The following RNF180 variants were observed in gnomAD, a reference collection of about 807,000 sequenced individuals.
RNF180 encodes ring finger protein 180, also known as E3 ubiquitin-protein ligase RNF180.
Under a neutral mutation model 59.2 loss-of-function variants are expected in RNF180, and 38 were observed. The ratio of observed to expected loss-of-function variants is 0.64; its 90% CI spans 0.50 to 0.84. RNF180 has a LOEUF of 0.84. Among genes scored for constraint, RNF180 ranks in the 40% least tolerant of loss-of-function variants. RNF180 has a pLI of 0.00. For missense variants in RNF180, 705 were observed against 700.9 expected (o/e 1.01, Z -0.07); for synonymous variants, 262 against 240.3 (o/e 1.09, Z -0.84).
chr5:64,290,940 G>A (rs1367693598), intron 5 of RNF180, among the ~76,000 whole-genome samples: 1 of 151,994 alleles, frequency 6.6e-6, no homozygotes, highest in Admixed American at 6.6e-5. Context: ...CACTAGTTGT[G>A]TACTTCAGTG....
intron 5 of RNF180, among the ~76,000 whole-genome samples, chr5:64,275,726 G>A (rs1452353437): frequency 6.6e-6 from 1 of 151,862 alleles, no homozygotes; most frequent in Non-Finnish European, 1.5e-5. Context: ...CCAGTATGTT[G>A]GCAAGGATGA....
chr5:64,342,243 A>C (rs2112565085), intron 7 of RNF180, among the ~76,000 whole-genome samples: 1 of 152,272 alleles, frequency 6.6e-6, no homozygotes, highest in Middle Eastern at 3.4e-3. Context: ...AGATATATGG[A>C]ATTGAAGACT....
At chr5:64,168,868 T>C (rs1479197214) in intron 1 of RNF180, among the ~76,000 whole-genome samples, 1 of 152,212 alleles carries the variant, frequency 6.6e-6, no homozygotes, top group East Asian at 1.9e-4. Flanking sequence ...TTGGCTTTTA[T>C]TAGCAATTCT....
At chr5:64,185,051 T>C (rs991829661) in intron 1 of RNF180, among the ~76,000 whole-genome samples, 8 of 152,240 alleles carry the variant, frequency 5.3e-5, no homozygotes, top group African/African-American at 1.4e-4. Flanking sequence ...CCTTACCCGT[T>C]GATGGCAGTT....
At chr5:64,265,935 C>T (rs965167454) in intron 5 of RNF180, among the ~76,000 whole-genome samples, 7 of 152,236 alleles carry the variant, frequency 4.6e-5, no homozygotes, top group South Asian at 4.1e-4. Flanking sequence ...AGGTCCTTCA[C>T]GTCCCTTGTA....
chr5:64,221,781 G>T (rs189311309), intron 5 of RNF180, among the ~76,000 whole-genome samples: 11 of 152,104 alleles, frequency 7.2e-5, no homozygotes, highest in South Asian at 4.2e-4. Flanking sequence ...TTTTTAAAGG[G>T]TCTTTTTTAT....
chr5:64,173,754 C>T (rs1012540134), intron 1 of RNF180, among the ~76,000 whole-genome samples: 9 of 147,096 alleles, frequency 6.1e-5, no homozygotes, highest in African/African-American at 2.5e-5. Context: ...CTCATTCTGT[C>T]ACCCAGGCTT....
intron 5 of RNF180, among the ~76,000 whole-genome samples, chr5:64,246,497 A>G (rs1743174263): frequency 6.6e-6 from 1 of 152,232 alleles, no homozygotes; most frequent in Non-Finnish European, 1.5e-5. Context: ...ATGCAAATAA[A>G]CTAGAAAATC....
chr5:64,166,640 G>C (rs974333399), intron 1 of RNF180, among the ~76,000 whole-genome samples: 1 of 152,044 alleles, frequency 6.6e-6, no homozygotes, highest in Non-Finnish European at 1.5e-5. Context: ...CATTATTTTC[G>C]TAGCATCTAA....
intron 5 of RNF180, among the ~76,000 whole-genome samples, chr5:64,247,865 A>G (rs762795692): frequency 1.3e-5 from 2 of 152,212 alleles, no homozygotes; most frequent in Non-Finnish European, 2.9e-5. Context: ...ACCATACTAC[A>G]ATGCTACAGT....
intron 1 of RNF180, among the ~76,000 whole-genome samples, chr5:64,173,574 T>C (rs920185781): frequency 4.6e-5 from 7 of 152,200 alleles, no homozygotes; most frequent in African/African-American, 1.7e-4. Context: ...ACTTATTCCT[T>C]GTACGTAACT....
At chr5:64,291,479 C>CAGT (rs1210317253) in intron 5 of RNF180, among the ~76,000 whole-genome samples, 1 of 128,810 alleles carries the variant, frequency 7.8e-6, no homozygotes, top group East Asian at 2.3e-4. Flanking sequence ...GGCTGGAGTG[C>CAGT]AGTGGTGCGA....
intron 5 of RNF180, among the ~76,000 whole-genome samples, chr5:64,280,145 A>G (rs767620425): frequency 6.6e-6 from 1 of 152,092 alleles, no homozygotes; most frequent in African/African-American, 2.4e-5. Flanking sequence ...GTGTCTGTTC[A>G]TGTCCTTTGC....
At chr5:64,257,902 C>A (rs1252290115) in intron 5 of RNF180, among the ~76,000 whole-genome samples, 1 of 152,170 alleles carries the variant, frequency 6.6e-6, no homozygotes, top group Admixed American at 6.5e-5. Context: ...GTCAGATACT[C>A]TTCTCAGGGC....
chr5:64,171,520 C>T (rs1749934468), intron 1 of RNF180, among the ~76,000 whole-genome samples: 1 of 152,140 alleles, frequency 6.6e-6, no homozygotes, highest in Non-Finnish European at 1.5e-5. Context: ...TGTACATGTT[C>T]AAATGGGCCT....
At chr5:64,350,573 A>G (rs1213143753) in intron 7 of RNF180, among the ~76,000 whole-genome samples, 1 of 152,130 alleles carries the variant, frequency 6.6e-6, no homozygotes, top group East Asian at 1.9e-4. Context: ...TCCATTTTGA[A>G]TGAATTTTTG....
intron 5 of RNF180, among the ~76,000 whole-genome samples, chr5:64,265,619 G>C (rs759597561): frequency 3.3e-5 from 5 of 152,220 alleles, no homozygotes; most frequent in Middle Eastern, 3.4e-3. Context: ...ATGCTGTTTT[G>C]GTTTCTGTAG....
chr5:64,189,974 A>T (rs1751056669), intron 1 of RNF180, among the ~76,000 whole-genome samples: 3 of 152,210 alleles, frequency 2.0e-5, no homozygotes, highest in Admixed American at 6.5e-5. Flanking sequence ...GATGATACAG[A>T]GATGCCTCCA....
intron 5 of RNF180, among the ~76,000 whole-genome samples, chr5:64,280,411 C>T (rs1741948180): frequency 6.6e-6 from 1 of 152,022 alleles, no homozygotes; most frequent in Admixed American, 6.6e-5. Context: ...ATGGTATTTC[C>T]TAAGTTTTCT....
Sources: allele counts gnomAD v4.1 joint callset (sites outside exome capture counted in the v4.1 genomes callset), GRCh38; gene constraint gnomAD v4.1.1; transcripts MANE v1.5; gene names NCBI Gene and HGNC (gene_info 2026-07-23, HGNC 2026-07-21).